PCDHGA5: variants seen among roughly 807,000 people sequenced by gnomAD.
The protein encoded by PCDHGA5 is protocadherin gamma subfamily A, 5, also known as protocadherin gamma-A5.
A neutral mutation model predicts 56.7 loss-of-function variants in PCDHGA5; 36 were observed. The observed-to-expected ratio is 0.64, with a 90% CI of 0.49 to 0.84. PCDHGA5 has a LOEUF of 0.84. Ranked by LOEUF, PCDHGA5 falls within the 40% of genes least tolerant of loss-of-function variation. The probability of loss-of-function intolerance (pLI) is 0.00; values close to 1 mark genes in which losing one functional copy is unlikely to be tolerated. For missense variants in PCDHGA5, 1,305 were observed against 1,201.5 expected (o/e 1.09, Z -1.27); for synonymous variants, 563 against 520.2 (o/e 1.08, Z -1.12).
At chr5:141,459,632 A>G (rs1202000974) in intron 1 of PCDHGA5, among the ~76,000 whole-genome samples, 1 of 152,214 alleles carries the variant, frequency 6.6e-6, no homozygotes, top group East Asian at 1.9e-4. Flanking sequence ...AAGCTGCCAA[A>G]CTATTTTTCA....
At chr5:141,450,599 G>T (rs569531886) in intron 1 of PCDHGA5, among the ~76,000 whole-genome samples, 11 of 150,286 alleles carry the variant, frequency 7.3e-5, no homozygotes, top group African/African-American at 2.7e-4. Flanking sequence ...CAATTCTCCT[G>T]CCTCAGCCTC....
chr5:141,374,122 G>C, intron 1 of PCDHGA5: 5 of 1,597,596 alleles, frequency 3.1e-6, no homozygotes, highest in Non-Finnish European at 4.3e-6. Context: ...GCAGCGAGCA[G>C]GTCCTGCTCC....
At chr5:141,444,880 G>C (rs527554886) in intron 1 of PCDHGA5, among the ~76,000 whole-genome samples, 5 of 152,268 alleles carry the variant, frequency 3.3e-5, no homozygotes, top group Admixed American at 1.3e-4. Flanking sequence ...AAGCTTGTAG[G>C]ATTTTTGAAT....
Position 141,365,136 on chromosome 5 carries a change from C to T in PCDHGA5, c.806C>T (p.Pro269Leu). ...CTGCTCATGCTAACCGCCACGGATCCAGATGAGGGAATAAACGGGAAATTG... is the reference window on the plus strand; with the variant it reads ...CTGCTCATGCTAACCGCCACGGATCTAGATGAGGGAATAAACGGGAAATTG... ...TRLLMLTATD[P>L]DEGINGKLTY... The change falls in exon 1 of 4, where the codon CCA becomes CTA. Residue 269 changes from proline to leucine, a missense_variant. Coordinates refer to ENST00000518069, the MANE Select transcript of PCDHGA5 (RefSeq NM_018918.3). 6.2e-7 allele frequency: 1 copy of T among 1,613,950 alleles called. No homozygotes were observed. The highest frequency in any genetic ancestry group is 8.5e-7 in the Non-Finnish European group (1 of 1,179,896).
At chr5:141,430,633 C>T in intron 1 of PCDHGA5, 1 of 868,018 alleles carries the variant, frequency 1.2e-6, no homozygotes, top group Non-Finnish European at 1.7e-6. Context: ...ATGAACCATC[C>T]CTGGGAGTAT....
At chr5:141,403,144 C>A in intron 1 of PCDHGA5, 10 of 1,614,042 alleles carry the variant, frequency 6.2e-6, no homozygotes, top group Non-Finnish European at 8.5e-6. Flanking sequence ...AGCGCCGAGT[C>A]CGCATCGTCT....
At chr5:141,389,364 C>CT (rs963046088) in intron 1 of PCDHGA5, 1 of 1,613,736 alleles carries the variant, frequency 6.2e-7, no homozygotes, top group African/African-American at 1.3e-5. Context: ...GGCCAGTGAC[C>CT]TGGAGCAGCG....
chr5:141,399,138 T>C (rs757310717), intron 1 of PCDHGA5: 3 of 1,613,774 alleles, frequency 1.9e-6, no homozygotes, highest in Non-Finnish European at 2.5e-6. Context: ...AAGATGAAAA[T>C]GACAATAGCC....
intron 1 of PCDHGA5, among the ~76,000 whole-genome samples, chr5:141,397,772 A>G (rs1352118170): frequency 6.6e-6 from 1 of 152,238 alleles, no homozygotes; most frequent in Non-Finnish European, 1.5e-5. Context: ...TATTAAGTAT[A>G]TGGACGTAAA....
At chr5:141,374,527 A>T (rs1429830664) in intron 1 of PCDHGA5, 7 of 1,613,074 alleles carry the variant, frequency 4.3e-6, no homozygotes, top group Non-Finnish European at 5.9e-6. Flanking sequence ...ACGCAGCTCC[A>T]TCCTCTCGTT....
At position 141,412,973 on chromosome 5, in the gene PCDHGA5, C is replaced by A. The variant is rs2095594108; in HGVS notation, c.2421+46222C>A. 14 of 528,318 alleles carry A rather than the reference C, an allele frequency of 2.6e-5. No individual in the cohort carries two copies. In the South Asian group the frequency reaches 3.3e-4, roughly 12 times the overall value. The allele number at this position is 528,318 out of a possible 1,614,324, so 32.7% of individuals were successfully genotyped here. A position where few individuals can be genotyped will look rare whatever the true frequency, so the allele number is the denominator to read the frequency against. Reference sequence around the variant, plus strand: ...GCTGTTCACCTACTAGGAGAGAAAACGCAGCCAGAGCTCAATCCGGATTCT... The same window carrying A: ...GCTGTTCACCTACTAGGAGAGAAAAAGCAGCCAGAGCTCAATCCGGATTCT... On this transcript the variant is annotated intron_variant, in intron 1 of 3. Transcript: ENST00000518069.
chr5:141,511,055 A>ATG lies in PCDHGA5; in HGVS notation c.2680_2681dup (p.Tyr895SerfsTer10). 1 of 1,614,218 alleles carries ATG rather than the reference A, an allele frequency of 6.2e-7. No individual in the cohort carries two copies. The highest frequency in any genetic ancestry group is 8.5e-7 in the Non-Finnish European group (1 of 1,180,026). On this transcript the variant is annotated frameshift_variant, in exon 4 of 4. Coordinates refer to ENST00000518069, the MANE Select transcript of PCDHGA5 (RefSeq NM_018918.3). LOFTEE classifies it high-confidence loss of function. Reference sequence around the variant, plus strand: ...CAGCACGTGCCCGACTACCGCCAGAATGTCTACATCCCAGGCAGCAATGCC... The same window carrying ATG: ...CAGCACGTGCCCGACTACCGCCAGAATGTGTCTACATCCCAGGCAGCAATGCC...
intron 2 of PCDHGA5, among the ~76,000 whole-genome samples, chr5:141,500,259 A>G (rs1595658540): frequency 6.6e-6 from 1 of 151,044 alleles, no homozygotes; most frequent in East Asian, 2.0e-4. Context: ...CCCAGGCTGG[A>G]CTGCAGTGGC....
chr5:141,372,265 G>A, intron 1 of PCDHGA5: 1 of 1,613,132 alleles, frequency 6.2e-7, no homozygotes, highest in African/African-American at 1.3e-5. Context: ...CTGCGCACGG[G>A]TGAGGTGCGC....
At chr5:141,375,093 T>A (rs1394979484) in intron 1 of PCDHGA5, 1 of 1,613,962 alleles carries the variant, frequency 6.2e-7, no homozygotes, top group South Asian at 1.1e-5. Context: ...TTAATAACTA[T>A]CTTGGATGTC....
At position 141,413,207 on chromosome 5, in the gene PCDHGA5, C is replaced by T. The variant is rs563279284; in HGVS notation, c.2421+46456C>T. The T allele has an allele frequency of 4.7e-5, 76 of 1,612,874 alleles. 2 individuals carry two copies. The South Asian group carries it at 7.6e-4, about 16-fold the overall frequency. ...GCTCAAAGGAATCGCTCAAAGGAAT[C>T]AAAGGATTGCAGCGGGCTGGTCCTG... On this transcript the variant is annotated intron_variant, in intron 1 of 3. Coordinates refer to ENST00000518069, the MANE Select transcript of PCDHGA5 (RefSeq NM_018918.3).
intron 1 of PCDHGA5, among the ~76,000 whole-genome samples, chr5:141,488,463 C>T (rs926068842): frequency 6.6e-6 from 1 of 152,164 alleles, no homozygotes; most frequent in African/African-American, 2.4e-5. Flanking sequence ...GATTCAGCCC[C>T]AGAAATGTTC....
intron 1 of PCDHGA5, chr5:141,393,474 C>T (rs773609499): frequency 6.2e-7 from 1 of 1,613,926 alleles, no homozygotes; most frequent in African/African-American, 1.3e-5. Context: ...CGGCAAGCCG[C>T]CTCGCTCTAG....
intron 1 of PCDHGA5, chr5:141,423,010 G>C: frequency 6.2e-7 from 1 of 1,614,226 alleles, no homozygotes; most frequent in South Asian, 1.1e-5. Context: ...GGTGGTTGCG[G>C]TGGACAAAGA....
Sources: allele counts gnomAD v4.1 joint callset (sites outside exome capture counted in the v4.1 genomes callset), GRCh38; gene constraint gnomAD v4.1.1; transcripts MANE v1.5; gene names NCBI Gene and HGNC (gene_info 2026-07-23, HGNC 2026-07-21).